ESR2: variants seen among roughly 807,000 people sequenced by gnomAD.
ESR2 encodes estrogen receptor beta.
ESR2 carries 36 observed loss-of-function variants against 49.6 expected under a neutral mutation model. The ratio of observed to expected loss-of-function variants is 0.73; its 90% CI spans 0.56 to 0.96. The LOEUF is 0.96. Ranked by LOEUF, ESR2 falls within the 40% of genes least tolerant of loss-of-function variation. The pLI is 0.00. For synonymous variants in ESR2, 320 were observed against 266.1 expected, an observed-to-expected ratio of 1.20 and a Z score of -1.97; for missense variants, 714 against 693.0, an observed-to-expected ratio of 1.03 and a Z score of -0.34.
chr14:64,329,582 C>G (rs567194201), intron 1 of ESR2: 42 of 149,838 alleles, frequency 2.8e-4, no homozygotes, highest in African/African-American at 1.0e-3. Context: ...CAAGACCAGC[C>G]TGGGCAATGT....
chr14:64,274,518 A>G (rs1190494527), intron 3 of ESR2, among the ~76,000 whole-genome samples: 2 of 152,072 alleles, frequency 1.3e-5, no homozygotes, highest in African/African-American at 4.8e-5. Context: ...AGTCTGGCTA[A>G]AGATCTGTCA....
intron 1 of ESR2, among the ~76,000 whole-genome samples, chr14:64,316,722 T>G (rs536492105): frequency 6.6e-6 from 1 of 152,054 alleles, no homozygotes; most frequent in African/African-American, 2.4e-5. Flanking sequence ...GGCAAGAGAA[T>G]CACTTGAACC....
In ESR2 at chr14:64,232,137, T is replaced by C. The variant is rs542550388; in HGVS notation, c.*1000A>G. 6.6e-6 allele frequency: 1 copy of C among 152,330 alleles called. No individual in the cohort carries two copies. Among genetic ancestry groups the C allele is most frequent in the East Asian group, 1.9e-4 (1 of 5,184 alleles). 9.4% of individuals were successfully genotyped at this position (152,330 alleles called of 1,614,324 possible). ...GAGCTGACACACTGGGGTGCATAGCTACTCATCCATCCATAAAACAGCACA... is the reference window on the plus strand; with the variant it reads ...GAGCTGACACACTGGGGTGCATAGCCACTCATCCATCCATAAAACAGCACA... On this transcript the variant is annotated 3_prime_UTR_variant, in exon 9 of 9. Transcript: ENST00000341099.
upstream of ESR2, among the ~76,000 whole-genome samples, chr14:64,299,278 G>A (rs2076995480): frequency 6.6e-6 from 1 of 151,052 alleles, no homozygotes. Flanking sequence ...ACATCTTCTT[G>A]TAAATGTATC....
Position 64,239,085 on chromosome 14 carries a change from C to T in ESR2, c.1226-3935G>A, listed in dbSNP as rs180722931. On this transcript the variant is annotated intron_variant, in intron 7 of 8. Coordinates refer to ENST00000341099, the MANE Select transcript of ESR2 (RefSeq NM_001437.3). The stretch of plus-strand genomic sequence containing the variant: ...GGAAGAAGTCCTGGCTTTGGGGAGC[C>T]GTATGTGGCGTTTGCTTGTTTGCTT... Among the ~76,000 whole-genome samples, 212 of 152,288 alleles carry T rather than the reference C, an allele frequency of 1.4e-3. 2 individuals carry two copies. Among genetic ancestry groups the T allele is most frequent in the Admixed American group, 7.8e-4 (12 of 15,294 alleles).
At chr14:64,274,015 CCA>C (rs2076503923) in intron 3 of ESR2, among the ~76,000 whole-genome samples, 1 of 149,654 alleles carries the variant, frequency 6.7e-6, no homozygotes, top group South Asian at 2.1e-4. Flanking sequence ...TCTTGTCTTA[CCA>C]CAGTCTTGAC....
intron 4 of ESR2, among the ~76,000 whole-genome samples, chr14:64,266,256 A>G (rs766899960): frequency 6.6e-5 from 10 of 150,854 alleles, no homozygotes; most frequent in Admixed American, 1.3e-4. Flanking sequence ...TGAGTGTCAG[A>G]TATTGTGCTA....
At chr14:64,227,162 A>G (rs974180368), downstream of ESR2, 2 of 253,558 alleles carry the variant, frequency 7.9e-6, no homozygotes, top group African/African-American at 4.6e-5. Context: ...GGCACAGCTG[A>G]CCACACAATC....
At chr14:64,293,213 C>T (rs2076901357) in intron 1 of ESR2, among the ~76,000 whole-genome samples, 1 of 152,206 alleles carries the variant, frequency 6.6e-6, no homozygotes, top group Non-Finnish European at 1.5e-5. Flanking sequence ...TTTCCTTTCA[C>T]ATGTTCACTT....
At position 64,230,522 on chromosome 14, in the gene ESR2, C is replaced by G. The variant is rs1250762272; in HGVS notation, c.*2615G>C. Reference sequence around the variant, plus strand: ...AAGACTCGCACTGTACAGCTCCTGCCGATTTTGCACTATTTTTAATGCAGT... The same window carrying G: ...AAGACTCGCACTGTACAGCTCCTGCGGATTTTGCACTATTTTTAATGCAGT... On this transcript the variant is annotated 3_prime_UTR_variant, in exon 9 of 9. Coordinates refer to ENST00000341099, the MANE Select transcript of ESR2 (RefSeq NM_001437.3). 6.6e-6 allele frequency among the ~76,000 whole-genome samples: 1 copy of G among 152,060 alleles called. No homozygotes were observed. The highest frequency in any genetic ancestry group is 2.4e-5 in the African/African-American group (1 of 41,364).
At chr14:64,280,349 G>A (rs1337210912) in intron 2 of ESR2, among the ~76,000 whole-genome samples, 196 bp from the exon 3 acceptor site, 1 of 152,132 alleles carries the variant, frequency 6.6e-6, no homozygotes, top group Non-Finnish European at 1.5e-5. Context: ...CACGCTGTGG[G>A]GAATGACTAA....
At position 64,268,817 on chromosome 14, in the gene ESR2, G is replaced by C. The variant is rs2228481; in HGVS notation, c.630C>G (p.Tyr210Ter). The change falls in exon 4 of 9, where the codon TAC (tyrosine) becomes TAG (stop). Residue 210 changes from tyrosine (Y) to a stop codon, truncating the protein, a stop_gained. Coordinates refer to ENST00000341099, the MANE Select transcript of ESR2 (RefSeq NM_001437.3). LOFTEE classifies it high-confidence loss of function. ...SCQACRLRKC[Y>*]EVGMVKCGSR... ...CACCACACTTCACCATTCCCACTTC[G>C]TAACACTTCCGAAGTCGGCAGGCCT... 1.3e-5 allele frequency: 21 copies of C among 1,612,158 alleles called. No homozygotes were observed. Among genetic ancestry groups the C allele is most frequent in the Non-Finnish European group, 2.5e-6 (3 of 1,178,370 alleles).
intron 1 of ESR2, among the ~76,000 whole-genome samples, chr14:64,305,392 C>T (rs930426958): frequency 2.6e-5 from 4 of 151,908 alleles, no homozygotes; most frequent in East Asian, 1.9e-4. Flanking sequence ...TATACTAGGC[C>T]GGGCGCAGTG....
intron 1 of ESR2, chr14:64,329,832 GAAGTC>G (rs2077433965): frequency 6.6e-6 from 1 of 151,846 alleles, no homozygotes; most frequent in African/African-American, 2.4e-5. Context: ...TGGTGAGCCT[GAAGTC>G]AAGTCAAGAT....
intron 6 of ESR2, among the ~76,000 whole-genome samples, chr14:64,255,165 T>C (rs1312510427): frequency 6.6e-6 from 1 of 151,986 alleles, no homozygotes; most frequent in Non-Finnish European, 1.5e-5. Context: ...AAATAAACAC[T>C]AAATTTGGCA....
chr14:64,264,157 G>A (rs2076275753), intron 4 of ESR2, among the ~76,000 whole-genome samples: 1 of 152,110 alleles, frequency 6.6e-6, no homozygotes, highest in South Asian at 2.1e-4. Context: ...TCTGCAAAAT[G>A]CTTGGTTTTA....
chr14:64,238,677 C>T lies in ESR2; in HGVS notation c.1226-3527G>A, dbSNP rs181187180. ...AAAAATATAGCACCCTCTCCATCCC[C>T]CAAAAGTAAAAACATCAGTTAGGAT... is the stretch of plus-strand genomic sequence containing the variant. On this transcript the variant is annotated intron_variant, in intron 7 of 8. Transcript: ENST00000341099. Among the ~76,000 whole-genome samples the T allele has an allele frequency of 7.6e-4, 115 of 152,080 alleles. 3 individuals are homozygous for T. The highest frequency in any genetic ancestry group is 2.5e-4 in the Non-Finnish European group (17 of 67,984).
intron 3 of ESR2, among the ~76,000 whole-genome samples, chr14:64,272,430 T>C (rs1406048076): frequency 6.6e-6 from 1 of 152,236 alleles, no homozygotes; most frequent in Non-Finnish European, 1.5e-5. Context: ...TTACTTTGGT[T>C]GCCTGTGCTT....
At chr14:64,278,417 ATTC>A (rs1037206591) in intron 3 of ESR2, among the ~76,000 whole-genome samples, 136 of 152,326 alleles carry the variant, frequency 8.9e-4, no homozygotes, top group African/African-American at 3.2e-3. Context: ...CATATCCTGG[ATTC>A]TATCAGTATT....
Sources: gnomAD v4.1 joint callset for allele counts (sites outside exome capture counted in the v4.1 genomes callset) on GRCh38, gnomAD v4.1.1 for gene constraint, MANE v1.5 for transcripts, NCBI Gene and HGNC (gene_info 2026-07-23, HGNC 2026-07-21) for gene names.